CREBBP: variants seen among roughly 807,000 people sequenced by gnomAD.
CREBBP encodes CREB-binding protein.
CREBBP carries 19 observed loss-of-function variants against 265.0 expected under a neutral mutation model. The observed-to-expected ratio is 0.07, with a 90% CI of 0.05 to 0.11. CREBBP has a LOEUF of 0.11. CREBBP is among the 10% of genes least tolerant of loss of function. The probability of loss-of-function intolerance (pLI) is 1.00; values close to 1 mark genes in which losing one functional copy is unlikely to be tolerated. For synonymous variants in CREBBP, 1,457 were observed against 1,223.7 expected (o/e 1.19, Z -3.98); for missense variants, 2,525 against 3,219.0 (o/e 0.78, Z 5.22).
chr16:3,774,335 T>C (rs2053085259), intron 12 of CREBBP, among the ~76,000 whole-genome samples: 1 of 152,204 alleles, frequency 6.6e-6, no homozygotes, highest in Non-Finnish European at 1.5e-5. Flanking sequence ...AACTCCCACA[T>C]TCTCACAAAG....
chr16:3,804,046 T>A (rs2053779025), intron 3 of CREBBP, among the ~76,000 whole-genome samples: 1 of 151,268 alleles, frequency 6.6e-6, no homozygotes, highest in Non-Finnish European at 1.5e-5. Flanking sequence ...ACTACACCAC[T>A]GCACTCCAAA....
intron 20 of CREBBP, among the ~76,000 whole-genome samples, chr16:3,750,603 A>C (rs149746499): frequency 5.3e-4 from 81 of 152,314 alleles, no homozygotes; most frequent in African/African-American, 1.8e-3. Flanking sequence ...CACAGTGGCC[A>C]TTCTAACACT....
chr16:3,806,242 C>T (rs1375403342), intron 3 of CREBBP, among the ~76,000 whole-genome samples: 3 of 152,012 alleles, frequency 2.0e-5, no homozygotes, highest in South Asian at 2.1e-4. Flanking sequence ...CCCATCCTCC[C>T]GTCTACACAG....
At chr16:3,852,635 G>A (rs1457493662) in intron 1 of CREBBP, among the ~76,000 whole-genome samples, 4 of 152,160 alleles carry the variant, frequency 2.6e-5, no homozygotes, top group Non-Finnish European at 5.9e-5. Flanking sequence ...TGTAGTATAT[G>A]AAAGGGGTAA....
intron 2 of CREBBP, among the ~76,000 whole-genome samples, chr16:3,832,137 T>C (rs2054355539): frequency 6.6e-6 from 1 of 151,792 alleles, no homozygotes; most frequent in Non-Finnish European, 1.5e-5. Flanking sequence ...AAGCAGAAAA[T>C]TTGAATAGCT....
At chr16:3,729,986 C>T in intron 30 of CREBBP, 112 bp from the exon 31 acceptor site, 1 of 1,528,580 alleles carries the variant, frequency 6.5e-7, no homozygotes, top group Non-Finnish European at 8.8e-7. Flanking sequence ...GAGACCCAGG[C>T]AGGATAGGAG....
intron 4 of CREBBP, among the ~76,000 whole-genome samples, chr16:3,792,399 A>G (rs780263924): frequency 1.3e-5 from 2 of 152,258 alleles, no homozygotes; most frequent in Non-Finnish European, 2.9e-5. Context: ...GAAAGGTAGA[A>G]CAAATAATAG....
intron 1 of CREBBP, among the ~76,000 whole-genome samples, chr16:3,868,042 A>G (rs2055214026): frequency 6.6e-6 from 1 of 152,236 alleles, no homozygotes; most frequent in South Asian, 2.1e-4. Context: ...AGAGTTACAT[A>G]AAATGGGCTA....
intron 3 of CREBBP, among the ~76,000 whole-genome samples, chr16:3,796,171 A>T (rs1459970843): frequency 1.3e-5 from 2 of 152,242 alleles, no homozygotes; most frequent in Non-Finnish European, 2.9e-5. Context: ...CAAAAAATTT[A>T]GCTCTACAAG....
At chr16:3,737,131 T>G in intron 26 of CREBBP, 1 of 470,442 alleles carries the variant, frequency 2.1e-6, no homozygotes, top group South Asian at 2.1e-5. Flanking sequence ...GCCATCCCCT[T>G]CCTCCTGTGC....
intron 2 of CREBBP, among the ~76,000 whole-genome samples, chr16:3,846,507 G>A (rs1202777777): frequency 6.6e-6 from 1 of 152,196 alleles, no homozygotes; most frequent in Non-Finnish European, 1.5e-5. Flanking sequence ...TATGTACAAT[G>A]TGTTCAAAGC....
intron 1 of CREBBP, among the ~76,000 whole-genome samples, chr16:3,854,902 T>C (rs1353691622): frequency 6.6e-6 from 1 of 152,242 alleles, no homozygotes; most frequent in African/African-American, 2.4e-5. Context: ...GTAACAGTTT[T>C]TGAAGAAAAA....
chr16:3,830,434 T>C (rs1203141146), intron 2 of CREBBP, among the ~76,000 whole-genome samples: 2 of 150,894 alleles, frequency 1.3e-5, no homozygotes, highest in African/African-American at 4.9e-5. Flanking sequence ...GAAAAAAAAA[T>C]GTGAATGCTA....
intron 2 of CREBBP, among the ~76,000 whole-genome samples, chr16:3,821,819 C>T (rs1021543813): frequency 1.3e-5 from 2 of 152,196 alleles, no homozygotes; most frequent in African/African-American, 4.8e-5. Flanking sequence ...CACCTGAGGT[C>T]AGGAGTTGGA....
chr16:3,780,766 T>C lies in CREBBP; in HGVS notation c.1789A>G (p.Thr597Ala). 6.2e-7 allele frequency: 1 copy of C among 1,614,046 alleles called. No homozygotes were observed. Among genetic ancestry groups the C allele is most frequent in the South Asian group, 1.1e-5 (1 of 91,068 alleles). The change falls in exon 8 of 31, where the codon ACT becomes GCT. Residue 597 changes from threonine to alanine, a missense_variant. This residue lies in a region of CREBBP where 144 missense variants were observed against 134.0 expected (regional missense o/e 1.07). Coordinates refer to ENST00000262367, the MANE Select transcript of CREBBP (RefSeq NM_004380.3). ...GVRKGWHEHVTQDLRSHLVHK... is the reference protein window; with the variant it reads ...GVRKGWHEHVAQDLRSHLVHK... Reference sequence around the variant, plus strand: ...ACTAGATGGCTCCGCAGGTCCTGAGTGACATGTTCGTGCCAGCCTTTCCTT... The same window carrying C: ...ACTAGATGGCTCCGCAGGTCCTGAGCGACATGTTCGTGCCAGCCTTTCCTT...
intron 2 of CREBBP, among the ~76,000 whole-genome samples, chr16:3,849,468 T>C (rs2054775549): frequency 2.3e-5 from 3 of 128,968 alleles, no homozygotes; most frequent in African/African-American, 5.7e-5. Flanking sequence ...TGTGTGTGTG[T>C]GTGTGTGTGT....
chr16:3,761,251 G>C (rs1264495868), intron 16 of CREBBP, among the ~76,000 whole-genome samples: 2 of 152,208 alleles, frequency 1.3e-5, no homozygotes, highest in Non-Finnish European at 2.9e-5. Context: ...GAGCCACCAT[G>C]CCCGGCTGAA....
At chr16:3,733,673 C>T (rs1001202324) in intron 28 of CREBBP, among the ~76,000 whole-genome samples, 1 of 152,220 alleles carries the variant, frequency 6.6e-6, no homozygotes, top group East Asian at 1.9e-4. Context: ...GATGGAGTCT[C>T]GCTCTGTCAC....
chr16:3,819,769 G>A (rs1446471187), intron 2 of CREBBP, among the ~76,000 whole-genome samples: 1 of 152,070 alleles, frequency 6.6e-6, no homozygotes, highest in East Asian at 1.9e-4. Context: ...TAAATCATAA[G>A]CAATAATGAC....
Sources: allele counts gnomAD v4.1 joint callset (sites outside exome capture counted in the v4.1 genomes callset), GRCh38; gene constraint gnomAD v4.1.1; regional missense constraint gnomAD v4.1.1; transcripts MANE v1.5; gene names NCBI Gene and HGNC (gene_info 2026-07-23, HGNC 2026-07-21).